The following VPS8 variants were observed in gnomAD, a reference collection of about 807,000 sequenced individuals.
VPS8 encodes VPS8 subunit of CORVET complex, also known as vacuolar protein sorting-associated protein 8 homolog.
A neutral mutation model predicts 216.4 loss-of-function variants in VPS8; 129 were observed. The ratio of observed to expected loss-of-function variants is 0.60; its 90% CI spans 0.52 to 0.69. The LOEUF is 0.69. Among genes scored for constraint, VPS8 ranks in the 30% least tolerant of loss-of-function variants. VPS8 has a pLI of 0.00. For missense variants in VPS8, 1,531 were observed against 1,683.5 expected (o/e 0.91, Z 1.59); for synonymous variants, 571 against 565.4 (o/e 1.01, Z -0.14).
chr3:184,842,182 G>A (rs1484660356), intron 7 of VPS8, among the ~76,000 whole-genome samples: 9 of 38,740 alleles, frequency 2.3e-4, no homozygotes, highest in African/African-American at 2.0e-3. Context: ...GCGAGACTCC[G>A]TCTCAAAAAA....
rs552462048 is a variant in VPS8 at position 184,931,774 on chromosome 3, G to C, written c.2898+1206G>C. Among the ~76,000 whole-genome samples the C allele has an allele frequency of 1.4e-3, 206 of 152,114 alleles. 1 individual carries two copies. Among genetic ancestry groups the C allele is most frequent in the Non-Finnish European group, 2.8e-4 (19 of 67,938 alleles). Reference sequence around the variant, plus strand: ...CCAACAAGTCATTCTCTGATTTTGTGTTTTATATTTTTTCCCTTTAATCAT... The same window carrying C: ...CCAACAAGTCATTCTCTGATTTTGTCTTTTATATTTTTTCCCTTTAATCAT... On this transcript the variant is annotated intron_variant, in intron 34 of 47. Coordinates refer to ENST00000625842, the MANE Select transcript of VPS8 (RefSeq NM_001009921.3).
intron 46 of VPS8, among the ~76,000 whole-genome samples, chr3:185,028,869 A>C (rs1014194356): frequency 2.0e-5 from 3 of 152,178 alleles, no homozygotes; most frequent in African/African-American, 7.2e-5. Context: ...TAAGTGTAGA[A>C]CAAAGTAGTC....
intron 35 of VPS8, among the ~76,000 whole-genome samples, chr3:184,938,330 G>A (rs1037334128): frequency 7.2e-5 from 11 of 152,224 alleles, no homozygotes; most frequent in African/African-American, 2.7e-4. Flanking sequence ...ATTAAGTGCT[G>A]AGGATACAAA....
At chr3:185,006,887 AACTTTT>A (rs1271723846) in intron 45 of VPS8, among the ~76,000 whole-genome samples, 1 of 152,182 alleles carries the variant, frequency 6.6e-6, no homozygotes, top group Non-Finnish European at 1.5e-5. Context: ...TGAGATAATT[AACTTTT>A]ACTTCTTCAG....
chr3:185,045,267 T>C (rs1712614157), intron 46 of VPS8, among the ~76,000 whole-genome samples: 1 of 85,584 alleles, frequency 1.2e-5, no homozygotes, highest in Admixed American at 1.2e-4. Flanking sequence ...AGTGTTAGGG[T>C]TTTGATTTCA....
chr3:185,001,336 G>T (rs1216403232), intron 45 of VPS8, among the ~76,000 whole-genome samples: 1 of 152,180 alleles, frequency 6.6e-6, no homozygotes, highest in Non-Finnish European at 1.5e-5. Context: ...TGCAAATTCA[G>T]TGGTCCCCAT....
chr3:184,900,881 T>G, intron 24 of VPS8, 40 bp from the exon 25 acceptor site: 98 of 1,518,468 alleles, frequency 6.5e-5, no homozygotes, highest in Non-Finnish European at 8.1e-5. Flanking sequence ...TAATATCATT[T>G]GAGATGATGA....
intron 24 of VPS8, among the ~76,000 whole-genome samples, chr3:184,900,077 A>G (rs182539844): frequency 1.3e-5 from 2 of 152,344 alleles, no homozygotes; most frequent in Admixed American, 6.5e-5. Context: ...TGAGATGACT[A>G]CTATAGTCTC....
chr3:184,985,483 A>G (rs1188148551), intron 42 of VPS8, among the ~76,000 whole-genome samples: 2 of 152,226 alleles, frequency 1.3e-5, no homozygotes, highest in Non-Finnish European at 2.9e-5. Flanking sequence ...AAATGTGCTG[A>G]TACAACTATT....
intron 45 of VPS8, among the ~76,000 whole-genome samples, chr3:185,021,515 C>A (rs556700409): frequency 1.3e-5 from 2 of 152,298 alleles, no homozygotes; most frequent in Non-Finnish European, 2.9e-5. Flanking sequence ...CTTTGAAAAT[C>A]TGTTTTCTCC....
chr3:184,851,210 T>G (rs183797076), intron 10 of VPS8, among the ~76,000 whole-genome samples: 15 of 152,170 alleles, frequency 9.9e-5, no homozygotes, highest in African/African-American at 3.6e-4. Flanking sequence ...ACAGAAGAGA[T>G]AAAAGCAGAG....
In VPS8 at chr3:184,897,754, C is replaced by T. The variant is rs571834773; in HGVS notation, c.2005-811C>T. ...TCATTCTCCTTTGCCGACTTCTGCC[C>T]TTCTCCTCTTGCCACTGTTTATAGT... On this transcript the variant is annotated intron_variant, in intron 23 of 47. Coordinates refer to ENST00000625842, the MANE Select transcript of VPS8 (RefSeq NM_001009921.3). Among the ~76,000 whole-genome samples, 10 of 152,236 alleles carry T rather than the reference C, an allele frequency of 6.6e-5. No individual in the cohort carries two copies. The East Asian group carries it at 1.9e-3, about 29-fold the overall frequency.
intron 3 of VPS8, among the ~76,000 whole-genome samples, chr3:184,831,186 A>G (rs1719907085): frequency 6.6e-6 from 1 of 152,348 alleles, no homozygotes; most frequent in East Asian, 1.9e-4. Context: ...TGAATGAGCC[A>G]GGCGTGGTGG....
At chr3:184,831,140 C>T (rs1211114754) in intron 3 of VPS8, among the ~76,000 whole-genome samples, 1 of 152,090 alleles carries the variant, frequency 6.6e-6, no homozygotes, top group Non-Finnish European at 1.5e-5. Context: ...GAGAGATGTA[C>T]CGAAAACTAA....
At chr3:184,877,470 A>C (rs974692193) in intron 21 of VPS8, among the ~76,000 whole-genome samples, 1 of 152,328 alleles carries the variant, frequency 6.6e-6, no homozygotes, top group Admixed American at 6.5e-5. Flanking sequence ...TAAGAACCAA[A>C]TGTAGGACTT....
chr3:185,040,915 A>G (rs774374379), intron 46 of VPS8, among the ~76,000 whole-genome samples: 26 of 152,108 alleles, frequency 1.7e-4, no homozygotes, highest in Non-Finnish European at 3.8e-4. Flanking sequence ...TAAAAAAGCC[A>G]AGGTTGGCCA....
At chr3:185,043,060 G>A (rs1438459184) in intron 46 of VPS8, among the ~76,000 whole-genome samples, 1 of 152,076 alleles carries the variant, frequency 6.6e-6, no homozygotes, top group East Asian at 1.9e-4. Context: ...ACAGGATCCC[G>A]GTAGGCACTC....
At chr3:184,921,826 A>C (rs1738677837) in intron 29 of VPS8, among the ~76,000 whole-genome samples, 1 of 152,052 alleles carries the variant, frequency 6.6e-6, no homozygotes, top group Admixed American at 6.6e-5. Context: ...CAGCCTCCCA[A>C]AGTGCCGGGA....
intron 40 of VPS8, among the ~76,000 whole-genome samples, chr3:184,980,267 C>T (rs970569075): frequency 2.0e-5 from 3 of 151,674 alleles, no homozygotes; most frequent in Non-Finnish European, 4.4e-5. Context: ...CCATGTGTCT[C>T]GGTAATGGTC....
Sources: gnomAD v4.1 joint callset for allele counts (sites outside exome capture counted in the v4.1 genomes callset) on GRCh38, gnomAD v4.1.1 for gene constraint, MANE v1.5 for transcripts, NCBI Gene and HGNC (gene_info 2026-07-23, HGNC 2026-07-21) for gene names.